The following ZIM2 variants were observed in gnomAD, a reference collection of about 807,000 sequenced individuals.
ZIM2 encodes the protein zinc finger imprinted 2, also known as zinc finger protein 656.
A neutral mutation model predicts 38.6 loss-of-function variants in ZIM2; 14 were observed. The observed-to-expected ratio is 0.36, with a 90% confidence interval of 0.24 to 0.57. The LOEUF (loss-of-function observed/expected upper bound fraction) is 0.57, where lower values mean the gene tolerates loss of function less well. Ranked by LOEUF, ZIM2 falls within the 20% of genes least tolerant of loss-of-function variation. The pLI is 0.81. For synonymous variants in ZIM2, 247 were observed against 245.8 expected (o/e 1.00, Z -0.04); for missense variants, 680 against 695.1 (o/e 0.98, Z 0.24).
At chr19:56,787,239 G>T (rs2046656454) in intron 10 of ZIM2, among the ~76,000 whole-genome samples, 1 of 152,102 alleles carries the variant, frequency 6.6e-6, no homozygotes, top group South Asian at 2.1e-4. Context: ...GTTTTGTGAA[G>T]AACAAATTTT....
chr19:56,796,252 GGC>G (rs1410780586), intron 9 of ZIM2, among the ~76,000 whole-genome samples: 1 of 152,120 alleles, frequency 6.6e-6, no homozygotes, highest in Non-Finnish European at 1.5e-5. Flanking sequence ...CACATGCTTA[GGC>G]ATACTTTAAA....
intron 12 of ZIM2, 146 bp from the exon 13 acceptor site, chr19:56,775,675 A>AGAATAGAGGAATTT: frequency 1.4e-6 from 2 of 1,391,134 alleles, no homozygotes; most frequent in Non-Finnish European, 1.9e-6. Flanking sequence ...AAAAGTAAAA[A>AGAATAGAGGAATTT]TTCCTCTATT....
At chr19:56,819,648 T>C (rs2060290767) in intron 7 of ZIM2, among the ~76,000 whole-genome samples, 2 of 152,198 alleles carry the variant, frequency 1.3e-5, no homozygotes, top group Non-Finnish European at 2.9e-5. Flanking sequence ...CGGAAATCTT[T>C]TTGAACCTTT....
At position 56,815,196 on chromosome 19, in the gene ZIM2, C is replaced by T. The variant is rs1198356159; in HGVS notation, c.490+2550G>A. 3 of 1,614,012 alleles carry T rather than the reference C, an allele frequency of 1.9e-6. No individual in the cohort carries two copies. In the South Asian group the frequency reaches 3.3e-5, roughly 18 times the overall value. ...CTTGAATGACAGGGTCTTCAATTGT[C>T]TCCTGACCATGGGTCTCCTCGCTGT... On this transcript the variant is annotated intron_variant, in intron 9 of 12. Coordinates refer to ENST00000629319, the MANE Select transcript of ZIM2 (RefSeq NM_001387356.1).
At chr19:56,824,686 C>G in intron 3 of ZIM2, 1 of 1,572,746 alleles carries the variant, frequency 6.4e-7, no homozygotes, top group Non-Finnish European at 8.6e-7. Context: ...CTGGAGGAAC[C>G]AAACATGAGT....
At chr19:56,817,053 G>A in intron 9 of ZIM2, 2 of 1,614,088 alleles carry the variant, frequency 1.2e-6, no homozygotes, top group East Asian at 2.2e-5. Context: ...ATTCTGAGAT[G>A]ACACTGAACG....
chr19:56,779,538 T>G, intron 11 of ZIM2, 66 bp from the exon 12 acceptor site: 1 of 1,487,588 alleles, frequency 6.7e-7, no homozygotes, highest in Non-Finnish European at 9.3e-7. Context: ...CCAAAGACTC[T>G]GGAATAATAA....
intron 1 of ZIM2, among the ~76,000 whole-genome samples, chr19:56,836,634 G>A (rs1003832615): frequency 6.6e-6 from 1 of 152,150 alleles, no homozygotes; most frequent in African/African-American, 2.4e-5. Flanking sequence ...TATTCCAAGA[G>A]TCAGGTGGGC....
intron 9 of ZIM2, chr19:56,813,925 T>A: frequency 6.2e-7 from 1 of 1,614,186 alleles, no homozygotes; most frequent in South Asian, 1.1e-5. Context: ...TTCATGGCAG[T>A]CATAGTATGG....
intron 9 of ZIM2, chr19:56,812,074 T>TTTGCTTG (rs1188568457): frequency 3.1e-6 from 3 of 982,792 alleles, no homozygotes; most frequent in Non-Finnish European, 3.6e-6. Context: ...GTACTTTAAT[T>TTTGCTTG]TTGCTTGTTC....
chr19:56,819,242 C>T (rs1230336063), intron 7 of ZIM2, among the ~76,000 whole-genome samples: 1 of 152,202 alleles, frequency 6.6e-6, no homozygotes, highest in Non-Finnish European at 1.5e-5. Context: ...GTGACTTAAA[C>T]CTCCCTCCCG....
In ZIM2 at chr19:56,775,280, T is replaced by C. The variant is rs1299624551; in HGVS notation, c.1085A>G (p.Glu362Gly). 6.2e-7 allele frequency: 1 copy of C among 1,614,154 alleles called. No individual in the cohort carries two copies. The highest frequency in any genetic ancestry group is 2.2e-5 in the East Asian group (1 of 44,882). Residue 362 changes from glutamate to glycine, a missense_variant, in exon 13 of 13, where the codon GAA (glutamate) becomes GGA (glycine). Transcript: ENST00000629319. ...ASQENKHNRCEFCKRTFSTQV... is the reference protein window; with the variant it reads ...ASQENKHNRCGFCKRTFSTQV... Reference sequence around the variant, plus strand: ...CGTACTAAAGGTTCGTTTGCAAAATTCACATCTGTTGTGTTTGTTCTCTTG... The same window carrying C: ...CGTACTAAAGGTTCGTTTGCAAAATCCACATCTGTTGTGTTTGTTCTCTTG...
chr19:56,828,332 A>AATATAC (rs2061258319), intron 2 of ZIM2, among the ~76,000 whole-genome samples: 1 of 152,196 alleles, frequency 6.6e-6, no homozygotes, highest in Admixed American at 6.5e-5. Flanking sequence ...TTGCAATCTG[A>AATATAC]ATATACCCCT....
chr19:56,779,548 A>C (rs2046213958), intron 11 of ZIM2, 76 bp from the exon 12 acceptor site: 4 of 1,409,968 alleles, frequency 2.8e-6, no homozygotes, highest in East Asian at 2.3e-5. Context: ...TGGAATAATA[A>C]GGAAGGAACA....
chr19:56,776,209 G>T (rs766105844), intron 12 of ZIM2, among the ~76,000 whole-genome samples: 2 of 151,808 alleles, frequency 1.3e-5, no homozygotes, highest in Non-Finnish European at 2.9e-5. Flanking sequence ...TGCCACAATT[G>T]TACAGAGTAG....
At chr19:56,811,327 C>G (rs778047889) in intron 9 of ZIM2, 67 of 899,386 alleles carry the variant, frequency 7.4e-5, no homozygotes, top group Non-Finnish European at 8.6e-5. Flanking sequence ...TTTAAATGAA[C>G]TGTTAAATGA....
At chr19:56,784,421 T>G (rs1260495142) in intron 10 of ZIM2, among the ~76,000 whole-genome samples, 1 of 152,136 alleles carries the variant, frequency 6.6e-6, no homozygotes, top group Non-Finnish European at 1.5e-5. Flanking sequence ...ATAAGAAAAT[T>G]GAATTTAGTT....
At chr19:56,826,115 T>C (rs992434963) in intron 3 of ZIM2, among the ~76,000 whole-genome samples, 1 of 152,112 alleles carries the variant, frequency 6.6e-6, no homozygotes, top group African/African-American at 2.4e-5. Context: ...GAGCACAACA[T>C]AGATAATGCT....
At chr19:56,780,265 C>CA (rs1263333749) in intron 11 of ZIM2, among the ~76,000 whole-genome samples, 1 of 133,400 alleles carries the variant, frequency 7.5e-6, no homozygotes, top group Non-Finnish European at 1.5e-5. Context: ...TTTTTTGAGA[C>CA]AGAGTCTCAC....
Sources: allele counts gnomAD v4.1 joint callset (sites outside exome capture counted in the v4.1 genomes callset), GRCh38; gene constraint gnomAD v4.1.1; transcripts MANE v1.5; gene names NCBI Gene and HGNC (gene_info 2026-07-23, HGNC 2026-07-21).